WDR72: variants seen among roughly 807,000 people sequenced by gnomAD.
The protein encoded by WDR72 is WD repeat domain 72.
In WDR72, 120 loss-of-function variants were observed where a neutral mutation model predicts 124.2. The ratio of observed to expected loss-of-function variants is 0.97; its 90% CI spans 0.83 to 1.12. The LOEUF (loss-of-function observed/expected upper bound fraction) is 1.12. Among genes scored for constraint, WDR72 ranks in the 50% most tolerant of loss-of-function variants. WDR72 has a pLI of 0.00. For synonymous variants in WDR72, 452 were observed against 441.7 expected (o/e 1.02, Z -0.29); for missense variants, 1,387 against 1,278.8 (o/e 1.08, Z -1.29).
At position 53,712,876 on chromosome 15, in the gene WDR72, A is replaced by T. The variant is rs2017587413; in HGVS notation, c.607T>A (p.Tyr203Asn). The change falls in exon 7 of 20, where the codon TAT (tyrosine) becomes AAT (asparagine). Residue 203 changes from tyrosine (Y) to asparagine (N), a missense_variant. Transcript: ENST00000360509. ...TCAAGAAACTTGGATTCTTTTTCAT[A>T]GACATCTTGCTTTTCCTTCAAAAGG... ...INSIQEKQDV[Y>N]EKESKFLESL... 1.9e-6 allele frequency: 3 copies of T among 1,613,526 alleles called. No homozygotes were observed. The highest frequency in any genetic ancestry group is 2.5e-6 in the Non-Finnish European group (3 of 1,179,778).
rs541465124 is a variant in WDR72 at position 53,550,571 on chromosome 15, AC to A, written c.3149-27250del. Among the ~76,000 whole-genome samples, 188 of 152,284 alleles carry A rather than the reference AC, an allele frequency of 1.2e-3. 1 individual carries two copies. Among genetic ancestry groups the A allele is most frequent in the African/African-American group, 4.3e-3 (180 of 41,566 alleles). ...ATTAAACAAAAAACTTTCTCTGCCT[AC>A]CCCTTTAAAGACTCATTCAACCACC... is the stretch of plus-strand genomic sequence containing the variant. On this transcript the variant is annotated intron_variant, in intron 18 of 19. Coordinates refer to ENST00000360509, the MANE Select transcript of WDR72 (RefSeq NM_182758.4).
chr15:53,545,394 G>A (rs1893394386), intron 18 of WDR72, among the ~76,000 whole-genome samples: 1 of 149,682 alleles, frequency 6.7e-6, no homozygotes, highest in African/African-American at 2.5e-5. Flanking sequence ...ACAAACCTGA[G>A]AAAAACAAGC....
At chr15:53,726,837 C>T (rs2018053235) in intron 2 of WDR72, among the ~76,000 whole-genome samples, 1 of 151,920 alleles carries the variant, frequency 6.6e-6, no homozygotes, top group South Asian at 2.1e-4. Context: ...GAGTGAGATC[C>T]CATCTCAAGA....
chr15:53,669,585 T>G (rs948790244), intron 13 of WDR72, among the ~76,000 whole-genome samples: 1 of 152,208 alleles, frequency 6.6e-6, no homozygotes, highest in Non-Finnish European at 1.5e-5. Flanking sequence ...TTTTCCTGAT[T>G]AAACCCTGAT....
chr15:53,587,285 C>T (rs765244083), intron 18 of WDR72, among the ~76,000 whole-genome samples: 2 of 151,970 alleles, frequency 1.3e-5, no homozygotes, highest in Non-Finnish European at 2.9e-5. Flanking sequence ...TTTGAATTTT[C>T]TAAGAAGGCC....
At chr15:53,523,147 C>G in intron 19 of WDR72, 71 bp downstream of exon 19, 1 of 1,418,576 alleles carries the variant, frequency 7.0e-7, no homozygotes, top group South Asian at 1.1e-5. Flanking sequence ...CTCCCCTCAC[C>G]CCCTTCCAAG....
intron 18 of WDR72, among the ~76,000 whole-genome samples, chr15:53,551,554 T>C (rs1893729512): frequency 6.6e-6 from 1 of 152,148 alleles, no homozygotes; most frequent in South Asian, 2.1e-4. Context: ...TACCTGTCCA[T>C]AAATAACCTG....
intron 18 of WDR72, among the ~76,000 whole-genome samples, chr15:53,531,446 A>T (rs1892463342): frequency 6.6e-6 from 1 of 152,088 alleles, no homozygotes; most frequent in African/African-American, 2.4e-5. Flanking sequence ...TATTAGTTTT[A>T]TTGAGAGATA....
At chr15:53,760,220 A>G (rs2019035769), upstream of WDR72, among the ~76,000 whole-genome samples, 2 of 152,012 alleles carry the variant, frequency 1.3e-5, 1 homozygote, top group Admixed American at 1.3e-4. Context: ...CAATTATATT[A>G]TTATTGACTA....
intron 18 of WDR72, among the ~76,000 whole-genome samples, chr15:53,556,298 T>C (rs1026698990): frequency 1.1e-4 from 16 of 152,110 alleles, no homozygotes; most frequent in African/African-American, 1.9e-4. Context: ...TAAGAACAAA[T>C]TGTTAAGTTA....
At position 53,728,306 on chromosome 15, in the gene WDR72, G is replaced by A. The variant is rs568083106; in HGVS notation, c.153+4691C>T. Among the ~76,000 whole-genome samples, 74 of 152,262 alleles carry A rather than the reference G, an allele frequency of 4.9e-4. No homozygotes were observed. In the South Asian group the frequency reaches 0.015, roughly 31 times the overall value. On this transcript the variant is annotated intron_variant, in intron 2 of 19. Transcript: ENST00000360509. Reference sequence around the variant, plus strand: ...CACGAGAATAGCACGGGAAAGACCAGGCTTATGATTCAATTATCTACCCCT... The same window carrying A: ...CACGAGAATAGCACGGGAAAGACCAAGCTTATGATTCAATTATCTACCCCT...
At chr15:53,527,086 C>T (rs1176682157) in intron 18 of WDR72, among the ~76,000 whole-genome samples, 1 of 151,974 alleles carries the variant, frequency 6.6e-6, no homozygotes, top group Non-Finnish European at 1.5e-5. Context: ...CTTCTAGATC[C>T]TAAAGAAATG....
intron 18 of WDR72, among the ~76,000 whole-genome samples, chr15:53,559,269 A>G (rs530609768): frequency 3.3e-5 from 5 of 152,088 alleles, no homozygotes; most frequent in East Asian, 1.9e-4. Flanking sequence ...CTCATTCGCA[A>G]TTCACACAAA....
chr15:53,695,711 A>G (rs2016981605), intron 13 of WDR72, among the ~76,000 whole-genome samples: 1 of 152,064 alleles, frequency 6.6e-6, no homozygotes, highest in South Asian at 2.1e-4. Context: ...TACGACCCCA[A>G]AATTTACCCT....
chr15:53,651,649 T>G (rs1476335421), intron 14 of WDR72, among the ~76,000 whole-genome samples: 1 of 152,070 alleles, frequency 6.6e-6, no homozygotes, highest in Non-Finnish European at 1.5e-5. Context: ...AGTTTTTGTT[T>G]GTTTGTTTGT....
At chr15:53,585,335 G>C (rs1318837819) in intron 18 of WDR72, among the ~76,000 whole-genome samples, 5 of 152,026 alleles carry the variant, frequency 3.3e-5, no homozygotes, top group South Asian at 4.1e-4. Flanking sequence ...AAAACCATCA[G>C]ATCTCATGAC....
At chr15:53,725,838 G>A (rs1294285398) in intron 2 of WDR72, among the ~76,000 whole-genome samples, 1 of 152,116 alleles carries the variant, frequency 6.6e-6, no homozygotes, top group Non-Finnish European at 1.5e-5. Flanking sequence ...TTTTAGGGCA[G>A]TGAAACTATT....
At chr15:53,634,969 G>A (rs2014571628) in intron 14 of WDR72, among the ~76,000 whole-genome samples, 1 of 152,198 alleles carries the variant, frequency 6.6e-6, no homozygotes, top group African/African-American at 2.4e-5. Context: ...CTCTCACACA[G>A]CAGCAATGAG....
intron 18 of WDR72, among the ~76,000 whole-genome samples, chr15:53,535,002 C>T (rs945906878): frequency 6.6e-6 from 1 of 151,536 alleles, no homozygotes; most frequent in Non-Finnish European, 1.5e-5. Context: ...TATTTCATTC[C>T]ACAGAGAGGG....
Sources: allele counts gnomAD v4.1 joint callset (sites outside exome capture counted in the v4.1 genomes callset), GRCh38; gene constraint gnomAD v4.1.1; transcripts MANE v1.5; gene names NCBI Gene and HGNC (gene_info 2026-07-23, HGNC 2026-07-21).